The following TMEM132D variants were observed in gnomAD, a reference collection of about 807,000 sequenced individuals.
TMEM132D encodes the protein mature OL transmembrane protein.
In TMEM132D, 21 loss-of-function variants were observed where a neutral mutation model predicts 62.3. The ratio of observed to expected loss-of-function variants is 0.34; its 90% CI spans 0.24 to 0.49. TMEM132D has a LOEUF of 0.49. TMEM132D is among the 20% of genes least tolerant of loss of function. TMEM132D has a pLI of 0.99. For synonymous variants in TMEM132D, 621 were observed against 575.6 expected (o/e 1.08, Z -1.13); for missense variants, 1,346 against 1,402.8 (o/e 0.96, Z 0.65).
chr12:129,196,331 A>C (rs1878551828), intron 5 of TMEM132D, among the ~76,000 whole-genome samples: 1 of 152,200 alleles, frequency 6.6e-6, no homozygotes, highest in Non-Finnish European at 1.5e-5. Flanking sequence ...CAGTCTGTGC[A>C]ATCCTCATGA....
intron 3 of TMEM132D, among the ~76,000 whole-genome samples, chr12:129,501,577 T>C (rs1205296433): frequency 6.6e-6 from 1 of 152,034 alleles, no homozygotes; most frequent in Non-Finnish European, 1.5e-5. Context: ...TGACCACGGC[T>C]CATTGCAACC....
chr12:129,384,617 T>C (rs1246583180), intron 3 of TMEM132D, among the ~76,000 whole-genome samples: 1 of 152,010 alleles, frequency 6.6e-6, no homozygotes, highest in Non-Finnish European at 1.5e-5. Context: ...TTTCACTTCT[T>C]CCCAAGCTAA....
intron 1 of TMEM132D, among the ~76,000 whole-genome samples, chr12:129,743,411 GC>G (rs1869670160): frequency 6.6e-6 from 1 of 152,134 alleles, no homozygotes; most frequent in African/African-American, 2.4e-5. Flanking sequence ...TTTATAAGGG[GC>G]TTTTCCCCCT....
chr12:129,362,222 C>G (rs936482785), intron 3 of TMEM132D, among the ~76,000 whole-genome samples: 2 of 152,184 alleles, frequency 1.3e-5, no homozygotes, highest in African/African-American at 4.8e-5. Context: ...ACTCTTTCAA[C>G]TTGTCTTGCA....
chr12:129,087,336 C>T (rs375842323), intron 5 of TMEM132D, among the ~76,000 whole-genome samples: 7 of 151,712 alleles, frequency 4.6e-5, no homozygotes, highest in Non-Finnish European at 5.9e-5. Context: ...AGTATTCCAC[C>T]GTATATATAC....
chr12:129,525,609 G>A (rs1876006286), intron 3 of TMEM132D, among the ~76,000 whole-genome samples: 2 of 152,278 alleles, frequency 1.3e-5, no homozygotes, highest in South Asian at 4.1e-4. Flanking sequence ...ATTTCAAAGT[G>A]TGTGCGCATG....
chr12:129,451,058 G>C (rs12314362), intron 3 of TMEM132D, among the ~76,000 whole-genome samples: 3 of 152,006 alleles, frequency 2.0e-5, no homozygotes, highest in Admixed American at 1.3e-4. Context: ...CACCGCGCCC[G>C]GCCAATTTTC....
Position 129,522,830 on chromosome 12 carries a change from T to C in TMEM132D, c.1115+8229A>G, listed in dbSNP as rs529504013. ...ATGTAAATATAGATATTGGTATGGA[T>C]AAGATATAGATATAAATATGGATCT... On this transcript the variant is annotated intron_variant, in intron 3 of 8. Coordinates refer to ENST00000422113, the MANE Select transcript of TMEM132D (RefSeq NM_133448.3). The C allele has an allele frequency of 2.0e-3, 299 of 152,126 alleles. 2 individuals carry two copies. Among genetic ancestry groups the C allele is most frequent in the African/African-American group, 7.0e-3 (289 of 41,506 alleles). The allele number at this position is 152,126 out of a possible 1,614,324, so 9.4% of individuals were successfully genotyped here.
In TMEM132D at chr12:129,350,511, C is replaced by T. The variant is rs539868370; in HGVS notation, c.1116-12694G>A. Reference sequence around the variant, plus strand: ...TTCCCGTGAGCCAATCAGTGACCTCCGACTCCTGTTCAGGAGAAATGAAGG... The same window carrying T: ...TTCCCGTGAGCCAATCAGTGACCTCTGACTCCTGTTCAGGAGAAATGAAGG... On this transcript the variant is annotated intron_variant, in intron 3 of 8. Transcript: ENST00000422113. 3.3e-5 allele frequency among the ~76,000 whole-genome samples: 5 copies of T among 152,302 alleles called. 1 individual carries two copies. The South Asian group carries it at 6.2e-4, about 19-fold the overall frequency.
intron 4 of TMEM132D, among the ~76,000 whole-genome samples, chr12:129,313,115 C>A (rs1375510690): frequency 6.6e-6 from 1 of 152,150 alleles, no homozygotes; most frequent in African/African-American, 2.4e-5. Context: ...CCAAGAGGAA[C>A]TGTTGAACCT....
chr12:129,634,105 C>T (rs938270616), intron 2 of TMEM132D, among the ~76,000 whole-genome samples: 1 of 152,144 alleles, frequency 6.6e-6, no homozygotes, highest in Non-Finnish European at 1.5e-5. Context: ...GGCGTTGTCA[C>T]GTGTGGGAAG....
intron 4 of TMEM132D, among the ~76,000 whole-genome samples, chr12:129,309,197 C>A (rs1034209429): frequency 5.9e-5 from 9 of 152,146 alleles, no homozygotes; most frequent in African/African-American, 2.2e-4. Flanking sequence ...ATAGGTAACT[C>A]TTCTTAGGTC....
chr12:129,697,751 G>C (rs1459454653), intron 2 of TMEM132D, among the ~76,000 whole-genome samples: 1 of 152,154 alleles, frequency 6.6e-6, no homozygotes, highest in Admixed American at 6.5e-5. Flanking sequence ...GCCTCATATT[G>C]TGCAGCCACA....
intron 5 of TMEM132D, among the ~76,000 whole-genome samples, chr12:129,153,876 T>G (rs1877151347): frequency 6.6e-6 from 1 of 152,180 alleles, no homozygotes; most frequent in Non-Finnish European, 1.5e-5. Context: ...TTCCCGGCTC[T>G]GGAAAGTTTC....
chr12:129,198,313 G>A (rs1878603470), intron 5 of TMEM132D, among the ~76,000 whole-genome samples: 1 of 152,070 alleles, frequency 6.6e-6, no homozygotes, highest in African/African-American at 2.4e-5. Context: ...CCACTTCTGG[G>A]TATATACCCC....
At chr12:129,269,746 T>C (rs1475655742) in intron 4 of TMEM132D, among the ~76,000 whole-genome samples, 2 of 152,158 alleles carry the variant, frequency 1.3e-5, no homozygotes, top group Non-Finnish European at 2.9e-5. Flanking sequence ...TCCAGCTCAC[T>C]TGCATCCTGG....
intron 4 of TMEM132D, among the ~76,000 whole-genome samples, chr12:129,244,467 C>G (rs1880036700): frequency 6.8e-6 from 1 of 147,930 alleles, no homozygotes; most frequent in Non-Finnish European, 1.5e-5. Flanking sequence ...CTTCTTGCTC[C>G]TACGGTGCAT....
At chr12:129,686,595 A>G (rs1880926898) in intron 2 of TMEM132D, among the ~76,000 whole-genome samples, 1 of 152,198 alleles carries the variant, frequency 6.6e-6, no homozygotes, top group Non-Finnish European at 1.5e-5. Context: ...ACATTCTAAA[A>G]AAAATTCCTT....
chr12:129,828,782 AGGAGGGAG>A (rs1317969276), intron 1 of TMEM132D, among the ~76,000 whole-genome samples: 1 of 43,510 alleles, frequency 2.3e-5, no homozygotes, highest in Non-Finnish European at 4.5e-5. Flanking sequence ...GAGGAAGAAA[AGGAGGGAG>A]GGAGGGAGGG....
Sources: allele counts gnomAD v4.1 joint callset (sites outside exome capture counted in the v4.1 genomes callset), GRCh38; gene constraint gnomAD v4.1.1; transcripts MANE v1.5; gene names NCBI Gene and HGNC (gene_info 2026-07-23, HGNC 2026-07-21).